The following CHD8 variants were observed in gnomAD, a reference collection of about 807,000 sequenced individuals.
CHD8 encodes the protein chromodomain helicase DNA binding protein 8.
A neutral mutation model predicts 279.2 loss-of-function variants in CHD8; 31 were observed. That is an observed-to-expected ratio of 0.11 (90% CI 0.08 to 0.15). CHD8 has a LOEUF of 0.15. CHD8 is among the 10% of genes least tolerant of loss of function. CHD8 has a pLI of 1.00. For synonymous variants in CHD8, 1,081 were observed against 1,139.6 expected, an observed-to-expected ratio of 0.95 and a Z score of 1.04; for missense variants, 2,146 against 3,230.5, an observed-to-expected ratio of 0.66 and a Z score of 8.14.
At chr14:21,444,774 A>C (rs1016297160) in intron 1 of CHD8, among the ~76,000 whole-genome samples, 1 of 151,972 alleles carries the variant, frequency 6.6e-6, no homozygotes, top group Non-Finnish European at 1.5e-5. Flanking sequence ...TTGGTCCTAG[A>C]CCTTCTTTTC....
At position 21,429,048 on chromosome 14, in the gene CHD8, A is replaced by G; in HGVS notation, c.1131T>C (p.Ser377=). The part of the protein sequence containing the change: ...PPSTQPVTLS[S]VQQAQIMGPG... The stretch of plus-strand genomic sequence containing the variant: ...GTCCCATTATCTGAGCCTGCTGTAC[A>G]GAGGACAGAGTCACTGGCTGGGTGG... The change falls in exon 3 of 38, where the codon TCT becomes TCC. Residue 377 remains serine (S), a synonymous_variant. Coordinates refer to ENST00000646647, the MANE Select transcript of CHD8 (RefSeq NM_001170629.2). 1 of 1,614,012 alleles carries G rather than the reference A, an allele frequency of 6.2e-7. No individual in the cohort carries two copies. Among genetic ancestry groups the G allele is most frequent in the Non-Finnish European group, 8.5e-7 (1 of 1,179,886 alleles).
intron 1 of CHD8, among the ~76,000 whole-genome samples, chr14:21,438,456 C>T (rs1029219933): frequency 4.3e-5 from 6 of 139,340 alleles, no homozygotes; most frequent in African/African-American, 1.6e-4. Context: ...GGGCAGATCG[C>T]TTGTATCCAG....
Position 21,429,132 on chromosome 14 carries a change from T to C in CHD8, c.1047A>G (p.Gln349=). The C allele has an allele frequency of 6.2e-7, 1 of 1,613,958 alleles. No individual in the cohort carries two copies. Among genetic ancestry groups the C allele is most frequent in the Non-Finnish European group, 8.5e-7 (1 of 1,179,882 alleles). Residue 349 remains glutamine, a synonymous_variant, in exon 3 of 38, where the codon CAA becomes CAG. Coordinates refer to ENST00000646647, the MANE Select transcript of CHD8 (RefSeq NM_001170629.2). The part of the protein sequence containing the change: ...TIQLQVQQPQ[Q]KIQIVPQPPS... ...GTGGTTGTGGTACAATCTGGATTTT[T>C]TGCTGTGGCTGCTGCACCTGCAGCT...
chr14:21,417,882 A>ATAAT lies in CHD8; in HGVS notation c.1717-1976_1717-1975insATTA, dbSNP rs1433796563. On this transcript the variant is annotated intron_variant, in intron 5 of 37. Transcript: ENST00000646647. The stretch of plus-strand genomic sequence containing the variant: ...AAAAAAAAAATATATATATATATAT[A>ATAAT]ATATATATATATATACACACACACA... 2.5e-3 allele frequency among the ~76,000 whole-genome samples: 344 copies of ATAAT among 138,824 alleles called. 1 individual carries two copies. Among genetic ancestry groups the ATAAT allele is most frequent in the African/African-American group, 6.8e-3 (257 of 37,620 alleles). The allele number at this position is 138,824 out of a possible 152,430, so 91.1% of individuals were successfully genotyped here.
intron 1 of CHD8, among the ~76,000 whole-genome samples, chr14:21,441,518 C>G (rs949870878): frequency 3.3e-5 from 5 of 152,090 alleles, no homozygotes; most frequent in African/African-American, 1.2e-4. Flanking sequence ...ATGACAAAGC[C>G]AGAAACACTT....
intron 1 of CHD8, among the ~76,000 whole-genome samples, chr14:21,437,747 C>T (rs928316806): frequency 6.6e-6 from 1 of 152,144 alleles, no homozygotes; most frequent in African/African-American, 2.4e-5. Context: ...AATATGGGGC[C>T]TTTTAAAGCA....
chr14:21,420,166 C>T (rs1888958154), intron 5 of CHD8, among the ~76,000 whole-genome samples: 1 of 152,228 alleles, frequency 6.6e-6, no homozygotes. Context: ...GCCCTAGTGC[C>T]TCTGCTGATG....
intron 29 of CHD8, 63 bp downstream of exon 29, chr14:21,395,235 C>T (rs1350544721): frequency 1.3e-6 from 2 of 1,531,492 alleles, no homozygotes; most frequent in Non-Finnish European, 1.8e-6. Flanking sequence ...GGACAGAATT[C>T]AGTGAATAAT....
intron 1 of CHD8, among the ~76,000 whole-genome samples, chr14:21,438,508 C>A (rs1889872069): frequency 4.6e-5 from 3 of 64,950 alleles, no homozygotes; most frequent in South Asian, 6.5e-4. Context: ...AACACCTAGT[C>A]TCTTAAAAAA....
rs1219408048 is a variant in CHD8 at position 21,400,215 on chromosome 14, A to G, written c.4663T>C (p.Tyr1555His). The change falls in exon 24 of 38, where the codon TAT (tyrosine) becomes CAT (histidine). Residue 1555 changes from tyrosine to histidine, a missense_variant. Transcript: ENST00000646647. This position sits in a 1 kb window ranked among gnomAD's most constrained non-coding sequence, Gnocchi z 4.2. ...TCTTGGAACAAAGTGTCAGGGTTATATTTCCGGATCCAATCTGCCTTATGG... is the reference window on the plus strand; with the variant it reads ...TCTTGGAACAAAGTGTCAGGGTTATGTTTCCGGATCCAATCTGCCTTATGG... ...DIHKADWIRKYNPDTLFQDES... is the reference protein window; with the variant it reads ...DIHKADWIRKHNPDTLFQDES... 6.2e-7 allele frequency: 1 copy of G among 1,613,764 alleles called. No homozygotes were observed. The highest frequency in any genetic ancestry group is 8.5e-7 in the Non-Finnish European group (1 of 1,179,884).
chr14:21,413,128 TCTC>T, intron 9 of CHD8, 132 bp from the exon 10 acceptor site: 1 of 656,336 alleles, frequency 1.5e-6, no homozygotes, highest in Non-Finnish European at 2.7e-6. Context: ...CGATGGGTGT[TCTC>T]CTTTTTCATA....
intron 26 of CHD8, 135 bp downstream of exon 26, chr14:21,399,467 G>T (rs955195383): frequency 1.5e-6 from 1 of 663,394 alleles, no homozygotes; most frequent in Non-Finnish European, 2.7e-6. Context: ...GGATATTTAA[G>T]AACTACTTTC....
chr14:21,389,987 T>C (rs925714467), intron 37 of CHD8, among the ~76,000 whole-genome samples: 1 of 152,040 alleles, frequency 6.6e-6, no homozygotes, highest in African/African-American at 2.4e-5. Context: ...GTAATCCCAG[T>C]ACTTCAGAAG....
At chr14:21,399,381 G>A (rs1022218321) in intron 26 of CHD8, 4 of 517,708 alleles carry the variant, frequency 7.7e-6, no homozygotes, top group Non-Finnish European at 1.4e-5. Context: ...CAGATGGGAG[G>A]CTCCCTACCT....
At chr14:21,437,046 C>T (rs1411856040) in intron 1 of CHD8, 1 of 613,852 alleles carries the variant, frequency 1.6e-6, no homozygotes, top group Admixed American at 6.2e-5. Context: ...TGGGGATGGC[C>T]AAGACGGGAA....
rs567869963 is a variant in CHD8 at position 21,388,810 on chromosome 14, C to T, written c.7182+2137G>A. On this transcript the variant is annotated intron_variant, in intron 37 of 37. Transcript: ENST00000646647. ...TACACCATTTTATATATAAAGGACT[C>T]GAGCATCCATGGATTTTGGTATCTG... Among the ~76,000 whole-genome samples, 5 of 152,180 alleles carry T rather than the reference C, an allele frequency of 3.3e-5. No individual in the cohort carries two copies. In the East Asian group the frequency reaches 5.8e-4, roughly 18 times the overall value.
At chr14:21,434,337 C>T (rs909064986) in intron 1 of CHD8, among the ~76,000 whole-genome samples, 5 of 152,172 alleles carry the variant, frequency 3.3e-5, no homozygotes, top group East Asian at 1.9e-4. Context: ...TGAGCCACCA[C>T]GCTGAAAGTT....
intron 10 of CHD8, 47 bp from the exon 11 acceptor site, chr14:21,410,035 C>G (rs1257520581): frequency 6.5e-7 from 1 of 1,541,374 alleles, no homozygotes; most frequent in African/African-American, 1.4e-5. Context: ...TCTGTGTTCT[C>G]TGCTCCAGTT....
rs1888054901 is a variant in CHD8, at chr14:21,401,879, C to T, written c.4062+78G>A. Reference sequence around the variant, plus strand: ...GGGAATATAGGCATGAGCCACCATCCCCAGCATAAAAACATAATTAAATCC... The same window carrying T: ...GGGAATATAGGCATGAGCCACCATCTCCAGCATAAAAACATAATTAAATCC... On this transcript the variant is annotated intron_variant, in intron 20 of 37. Transcript: ENST00000646647. 26 of 1,362,552 alleles carry T rather than the reference C, an allele frequency of 1.9e-5. 1 individual carries two copies. The South Asian group carries it at 3.1e-4, about 16-fold the overall frequency. The allele number at this position is 1,362,552 out of a possible 1,614,324, so 84.4% of individuals were successfully genotyped here.
Sources: gnomAD v4.1 joint callset for allele counts (sites outside exome capture counted in the v4.1 genomes callset) on GRCh38, gnomAD v4.1.1 for gene constraint, Gnocchi (gnomAD v3.1) non-coding constraint, MANE v1.5 for transcripts, NCBI Gene and HGNC (gene_info 2026-07-23, HGNC 2026-07-21) for gene names.